The following CADPS variants were observed in gnomAD, a reference collection of about 807,000 sequenced individuals.
CADPS encodes the protein calcium dependent secretion activator.
A neutral mutation model predicts 167.3 loss-of-function variants in CADPS; 57 were observed. The observed-to-expected ratio is 0.34, with a 90% CI of 0.28 to 0.42. CADPS has a LOEUF of 0.42. Ranked by LOEUF, CADPS falls within the 20% of genes least tolerant of loss-of-function variation. The pLI, the probability that CADPS is intolerant of heterozygous loss-of-function variation, is 1.00. For missense variants in CADPS, 1,414 were observed against 1,738.1 expected (o/e 0.81, Z 3.32); for synonymous variants, 676 against 635.3 (o/e 1.06, Z -0.96).
chr3:62,594,935 T>C (rs143271425), intron 6 of CADPS, among the ~76,000 whole-genome samples: 1 of 152,226 alleles, frequency 6.6e-6, no homozygotes, highest in Admixed American at 6.5e-5. Context: ...ATTCACTTTT[T>C]CTTCTGGCCT....
chr3:62,662,375 T>C lies in CADPS; in HGVS notation c.908A>G (p.Gln303Arg). ...NACQLDNPDE[Q>R]AAQIRRELDG... ...CAGCTCTCGTCTGATCTGGGCTGCT[T>C]GCTCATCTGGATTGTCCAGCTGCAC... Residue 303 changes from glutamine (Q) to arginine (R), a missense_variant, in exon 4 of 30, where the codon CAA becomes CGA. This residue lies in a region of CADPS where 522 missense variants were observed against 559.5 expected (regional missense o/e 0.93). Transcript: ENST00000383710. 6.2e-7 allele frequency: 1 copy of C among 1,614,002 alleles called. No individual in the cohort carries two copies. The highest frequency in any genetic ancestry group is 8.5e-7 in the Non-Finnish European group (1 of 1,179,918).
chr3:62,399,521 T>C lies in CADPS; in HGVS notation c.3947A>G (p.Glu1316Gly). The change falls in exon 30 of 30, where the codon GAA becomes GGA. Residue 1316 changes from glutamate to glycine, a missense_variant. This residue lies in a region of CADPS where 185 missense variants were observed against 251.5 expected (regional missense o/e 0.74). Coordinates refer to ENST00000383710, the MANE Select transcript of CADPS (RefSeq NM_003716.4). This position sits in a 1 kb window ranked among gnomAD's most constrained non-coding sequence, Gnocchi z 5.6. ...CACAGTGAGACGGTTCCGGATCGTT[T>C]CATAGGTCTTGCTGTTTAAGGTGGA... ...LDSTLNSKTY[E>G]TIRNRLTVEE... The C allele has an allele frequency of 6.2e-7, 1 of 1,614,130 alleles. No homozygotes were observed. The highest frequency in any genetic ancestry group is 8.5e-7 in the Non-Finnish European group (1 of 1,179,988).
chr3:62,839,953 C>G (rs2076413135), intron 1 of CADPS, among the ~76,000 whole-genome samples: 1 of 152,070 alleles, frequency 6.6e-6, no homozygotes, highest in Non-Finnish European at 1.5e-5. Context: ...GGAGGGAGAG[C>G]TGAAGTGTGT....
chr3:62,833,039 GAA>G (rs1362371557), intron 1 of CADPS, among the ~76,000 whole-genome samples: 9 of 152,178 alleles, frequency 5.9e-5, no homozygotes, highest in African/African-American at 2.2e-4. Context: ...GAAAGGGTAA[GAA>G]AGCCACACGG....
chr3:62,848,220 G>T (rs1185900988), intron 1 of CADPS, among the ~76,000 whole-genome samples: 2 of 139,406 alleles, frequency 1.4e-5, no homozygotes, highest in Admixed American at 1.4e-4. Context: ...TTTCTCCCAT[G>T]TTGTAGGTTG....
At chr3:62,621,858 G>C (rs1291756207) in intron 6 of CADPS, among the ~76,000 whole-genome samples, 1 of 150,496 alleles carries the variant, frequency 6.6e-6, no homozygotes, top group African/African-American at 2.4e-5. Context: ...TTCTGTTCCT[G>C]TGTTAGTTTG....
chr3:62,426,684 G>C (rs1439757067), intron 28 of CADPS, among the ~76,000 whole-genome samples: 1 of 152,124 alleles, frequency 6.6e-6, no homozygotes, highest in Non-Finnish European at 1.5e-5. Flanking sequence ...GCTAGTAAGT[G>C]GCAGACCCAG....
chr3:62,483,539 T>A (rs868338357), intron 21 of CADPS, among the ~76,000 whole-genome samples: 4 of 152,168 alleles, frequency 2.6e-5, no homozygotes, highest in Non-Finnish European at 5.9e-5. Flanking sequence ...TACCTGGCAT[T>A]CTCTTCTGTA....
intron 3 of CADPS, among the ~76,000 whole-genome samples, chr3:62,695,849 T>C (rs1300253212): frequency 5.3e-5 from 8 of 152,030 alleles, no homozygotes; most frequent in African/African-American, 7.3e-5. Context: ...GCCACCAGCC[T>C]GGCCCCCAAA....
rs146121745 is a variant in CADPS, at chr3:62,809,317, A to C, written c.442-43333T>G. On this transcript the variant is annotated intron_variant, in intron 1 of 29. Transcript: ENST00000383710. ...TTCAAACTGTTTCCTCTGGCTCAAAAATACCCACAAGAGCAAACCCCTGGG... is the reference window on the plus strand; with the variant it reads ...TTCAAACTGTTTCCTCTGGCTCAAACATACCCACAAGAGCAAACCCCTGGG... Among the ~76,000 whole-genome samples, 979 of 152,276 alleles carry C rather than the reference A, an allele frequency of 6.4e-3. 9 individuals carry two copies. The highest frequency in any genetic ancestry group is 7.1e-3 in the Non-Finnish European group (483 of 68,020).
intron 3 of CADPS, among the ~76,000 whole-genome samples, chr3:62,666,373 G>C (rs1217457669): frequency 1.3e-5 from 2 of 152,074 alleles, no homozygotes; most frequent in Admixed American, 6.6e-5. Context: ...AAAATATAAA[G>C]AGAAATCAAG....
intron 18 of CADPS, 126 bp downstream of exon 18, chr3:62,499,036 C>T: frequency 1.8e-6 from 1 of 565,332 alleles, no homozygotes; most frequent in Non-Finnish European, 3.2e-6. Flanking sequence ...CACTTTCATT[C>T]CCTTTGCAAT....
chr3:62,585,127 A>C lies in CADPS; in HGVS notation c.1577+58T>G, dbSNP rs1038148586. On this transcript the variant is annotated intron_variant, in intron 8 of 29. Coordinates refer to ENST00000383710, the MANE Select transcript of CADPS (RefSeq NM_003716.4). ...AGATCTTGTGTTTATTTTTGTTTTC[A>C]TTTTGAGAAATGAACAGACGTGTGT... 3 of 1,533,108 alleles carry C rather than the reference A, an allele frequency of 2.0e-6. No individual in the cohort carries two copies. The South Asian group carries it at 3.5e-5, about 18-fold the overall frequency. The allele number at this position is 1,533,108 out of a possible 1,614,324, so 95.0% of individuals were successfully genotyped here. A position where few individuals can be genotyped will look rare whatever the true frequency, so the allele number is the denominator to read the frequency against.
At chr3:62,669,049 T>C (rs1351524403) in intron 3 of CADPS, among the ~76,000 whole-genome samples, 1 of 152,218 alleles carries the variant, frequency 6.6e-6, no homozygotes, top group Non-Finnish European at 1.5e-5. Flanking sequence ...GTCTCTTTCC[T>C]GATTAAAGCG....
intron 17 of CADPS, among the ~76,000 whole-genome samples, chr3:62,505,805 T>G (rs2066578796): frequency 6.6e-6 from 1 of 152,212 alleles, no homozygotes; most frequent in Non-Finnish European, 1.5e-5. Flanking sequence ...TATCTCCCTG[T>G]CTGCCAGGGA....
At chr3:62,585,362 G>A (rs2659467) in intron 7 of CADPS, 38 bp from the exon 8 acceptor site, 275,945 of 1,579,376 alleles carry the variant, frequency 0.17, 26,112 homozygotes, top group Admixed American at 0.28. Flanking sequence ...GAAAAGAGAA[G>A]CACCATTATG....
At chr3:62,495,667 T>A (rs1269808901) in intron 18 of CADPS, among the ~76,000 whole-genome samples, 1 of 152,208 alleles carries the variant, frequency 6.6e-6, no homozygotes, top group Non-Finnish European at 1.5e-5. Flanking sequence ...ATATATGTAC[T>A]CCTCTATATA....
intron 3 of CADPS, among the ~76,000 whole-genome samples, chr3:62,679,882 T>C (rs1050791454): frequency 6.6e-6 from 1 of 151,856 alleles, no homozygotes; most frequent in African/African-American, 2.4e-5. Context: ...ATGCTGAAGG[T>C]AAAAACTGGA....
chr3:62,642,665 G>A (rs934726886), intron 6 of CADPS, among the ~76,000 whole-genome samples: 1 of 152,188 alleles, frequency 6.6e-6, no homozygotes, highest in Admixed American at 6.6e-5. Flanking sequence ...CTTGTACTTT[G>A]GGAGGATGAG....
Sources: gnomAD v4.1 joint callset for allele counts (sites outside exome capture counted in the v4.1 genomes callset) on GRCh38, gnomAD v4.1.1 for gene constraint, gnomAD v4.1.1 regional missense constraint, Gnocchi (gnomAD v3.1) non-coding constraint, MANE v1.5 for transcripts, NCBI Gene and HGNC (gene_info 2026-07-23, HGNC 2026-07-21) for gene names.